Variants in FRMD5 observed in about 807,000 individuals in gnomAD.
The protein encoded by FRMD5 is FERM domain containing 5, also known as FERM domain-containing protein 5.
FRMD5 carries 20 observed loss-of-function variants against 69.0 expected under a neutral mutation model. The observed-to-expected ratio is 0.29, with a 90% CI of 0.20 to 0.42. FRMD5 has a LOEUF of 0.42. FRMD5 is among the 10% of genes least tolerant of loss of function. FRMD5 has a pLI of 1.00. For synonymous variants in FRMD5, 271 were observed against 260.1 expected (o/e 1.04, Z -0.40); for missense variants, 595 against 708.6 (o/e 0.84, Z 1.82).
At chr15:43,950,170 C>G (rs2090005373) in intron 1 of FRMD5, among the ~76,000 whole-genome samples, 1 of 152,182 alleles carries the variant, frequency 6.6e-6, no homozygotes, top group Non-Finnish European at 1.5e-5. Context: ...TGGAATGGTG[C>G]AGCCTCTGAA....
intron 1 of FRMD5, among the ~76,000 whole-genome samples, chr15:43,952,325 T>C (rs8035382): frequency 0.13 from 19,464 of 152,166 alleles, 2,373 homozygotes; most frequent in African/African-American, 0.32. Context: ...TATACTCAAC[T>C]GAAATAAAAT....
upstream of FRMD5, among the ~76,000 whole-genome samples, chr15:44,197,546 G>C (rs1372473948): frequency 6.6e-6 from 1 of 151,908 alleles, no homozygotes; most frequent in Non-Finnish European, 1.5e-5. Flanking sequence ...GCCGGGCATG[G>C]TGGCATGTGT....
intron 1 of FRMD5, among the ~76,000 whole-genome samples, chr15:44,083,300 T>G (rs563748546): frequency 1.3e-5 from 2 of 152,024 alleles, no homozygotes; most frequent in Non-Finnish European, 2.9e-5. Flanking sequence ...ATGCATCCAC[T>G]AAAGCAAGAA....
At chr15:44,176,208 G>A (rs1015390352) in intron 1 of FRMD5, among the ~76,000 whole-genome samples, 2 of 152,172 alleles carry the variant, frequency 1.3e-5, no homozygotes, top group African/African-American at 4.8e-5. Context: ...ATATAATTTA[G>A]AGTCCAGAAA....
chr15:44,098,112 A>T (rs2076580098), intron 1 of FRMD5, among the ~76,000 whole-genome samples: 1 of 104,118 alleles, frequency 9.6e-6, no homozygotes. Flanking sequence ...CAGAGTGACA[A>T]AACAAAAAAA....
chr15:44,070,360 G>A (rs1566931161), intron 1 of FRMD5, among the ~76,000 whole-genome samples: 1 of 150,434 alleles, frequency 6.6e-6, no homozygotes, highest in Non-Finnish European at 1.5e-5. Flanking sequence ...TGCAAGCTAG[G>A]CCCTCTCATT....
chr15:44,090,505 T>C (rs1211495848), intron 1 of FRMD5, among the ~76,000 whole-genome samples: 1 of 151,908 alleles, frequency 6.6e-6, no homozygotes, highest in Non-Finnish European at 1.5e-5. Context: ...AATGGCGTGA[T>C]CTCGGCTCAC....
chr15:44,022,807 C>G (rs1177019902), intron 1 of FRMD5, among the ~76,000 whole-genome samples: 5 of 152,106 alleles, frequency 3.3e-5, no homozygotes, highest in African/African-American at 1.2e-4. Context: ...AGAGCCAGCC[C>G]TGACTCTAGA....
chr15:44,177,812 C>T (rs2077925382), intron 1 of FRMD5, among the ~76,000 whole-genome samples: 1 of 151,974 alleles, frequency 6.6e-6, no homozygotes, highest in Admixed American at 6.6e-5. Flanking sequence ...GTGGAAAAGG[C>T]AAAACTGTAA....
chr15:44,052,274 C>T (rs1242461332), intron 1 of FRMD5, among the ~76,000 whole-genome samples: 2 of 152,086 alleles, frequency 1.3e-5, no homozygotes, highest in Non-Finnish European at 2.9e-5. Flanking sequence ...ATTTTTCTGG[C>T]ATTGACCATT....
In FRMD5 at chr15:43,872,352, A is replaced by G. The variant is rs1173478664; in HGVS notation, c.*1533T>C. 3.3e-5 allele frequency: 5 copies of G among 152,212 alleles called. No individual in the cohort carries two copies. Among genetic ancestry groups the G allele is most frequent in the African/African-American group, 1.2e-4 (5 of 41,430 alleles). The allele number at this position is 152,212 out of a possible 1,614,324, so 9.4% of individuals were successfully genotyped here. A position where few individuals can be genotyped will look rare whatever the true frequency, so the allele number is the denominator to read the frequency against. ...TCTGTTCTGCGTTTGGGGCTGTCCA[A>G]TTAGGGTATCAGCAGCTGCTCTACT... On this transcript the variant is annotated 3_prime_UTR_variant, in exon 14 of 14. Coordinates refer to ENST00000417257, the MANE Select transcript of FRMD5 (RefSeq NM_032892.5).
intron 5 of FRMD5, among the ~76,000 whole-genome samples, chr15:43,907,374 C>CA (rs1349984871): frequency 2.0e-5 from 3 of 152,140 alleles, no homozygotes; most frequent in Non-Finnish European, 4.4e-5. Flanking sequence ...TTGAGCCTTG[C>CA]AGTCTTTTTT....
At chr15:43,992,785 G>A (rs1009339242) in intron 1 of FRMD5, among the ~76,000 whole-genome samples, 5 of 152,104 alleles carry the variant, frequency 3.3e-5, no homozygotes, top group African/African-American at 9.7e-5. Context: ...GTCATTGCTC[G>A]TTGTAACCTC....
At chr15:44,127,244 C>T (rs900442632) in intron 1 of FRMD5, among the ~76,000 whole-genome samples, 2 of 152,296 alleles carry the variant, frequency 1.3e-5, no homozygotes, top group South Asian at 2.1e-4. Flanking sequence ...AGACATTCAC[C>T]ACCACACCGA....
At chr15:43,916,060 C>G (rs988151722) in intron 4 of FRMD5, among the ~76,000 whole-genome samples, 1 of 152,106 alleles carries the variant, frequency 6.6e-6, no homozygotes, top group Admixed American at 6.5e-5. Context: ...ACCGGTGGTT[C>G]ACACTCCTGA....
intron 1 of FRMD5, among the ~76,000 whole-genome samples, chr15:44,148,370 C>T (rs1199464987): frequency 1.3e-5 from 2 of 151,838 alleles, no homozygotes; most frequent in African/African-American, 2.4e-5. Context: ...CTCCCGGGTT[C>T]ACGCCATTCT....
At chr15:44,072,443 T>C (rs1893581963) in intron 1 of FRMD5, among the ~76,000 whole-genome samples, 1 of 152,114 alleles carries the variant, frequency 6.6e-6, no homozygotes, top group African/African-American at 2.4e-5. Flanking sequence ...GTTAATACAG[T>C]AAGAGATTTT....
intron 1 of FRMD5, among the ~76,000 whole-genome samples, chr15:44,130,688 G>A (rs1281356444): frequency 2.6e-5 from 4 of 152,126 alleles, no homozygotes; most frequent in Non-Finnish European, 4.4e-5. Flanking sequence ...CCTGTTTACA[G>A]TTGTATGGAA....
intron 1 of FRMD5, among the ~76,000 whole-genome samples, chr15:43,971,555 G>A (rs1370006568): frequency 1.4e-5 from 2 of 144,700 alleles, no homozygotes; most frequent in Non-Finnish European, 3.0e-5. Context: ...ATGGTGGCAC[G>A]CATCTGTAAT....
Sources: allele counts gnomAD v4.1 joint callset (sites outside exome capture counted in the v4.1 genomes callset), GRCh38; gene constraint gnomAD v4.1.1; transcripts MANE v1.5; gene names NCBI Gene and HGNC (gene_info 2026-07-23, HGNC 2026-07-21).